The following POU6F2 variants were observed in gnomAD, a reference collection of about 807,000 sequenced individuals.
POU6F2 encodes the protein POU class 6 homeobox 2, also known as POU domain, class 6, transcription factor 2.
Under a neutral mutation model 71.3 loss-of-function variants are expected in POU6F2, and 31 were observed. The observed-to-expected ratio is 0.43, with a 90% CI of 0.33 to 0.59. The LOEUF (loss-of-function observed/expected upper bound fraction) is 0.59, where lower values mean the gene tolerates loss of function less well. Among genes scored for constraint, POU6F2 ranks in the 20% least tolerant of loss-of-function variants. POU6F2 has a pLI of 0.04. For synonymous variants in POU6F2, 347 were observed against 355.7 expected, an observed-to-expected ratio of 0.98 and a Z score of 0.27; for missense variants, 783 against 856.8, an observed-to-expected ratio of 0.91 and a Z score of 1.07.
At position 39,056,672 on chromosome 7, in the gene POU6F2, GTGTGTA is replaced by G. The variant is rs1400555452; in HGVS notation, c.106-29182_106-29177del. ...TTTCTCTCTCTCTCTCTGTGTGTGTGTGTGTATGTGTGTGTGTGTGTGTGTGTGTGT... is the reference window on the plus strand; with the variant it reads ...TTTCTCTCTCTCTCTCTGTGTGTGTGTGTGTGTGTGTGTGTGTGTGTGTGT... On this transcript the variant is annotated intron_variant, in intron 1 of 9. Coordinates refer to ENST00000518318, the MANE Select transcript of POU6F2 (RefSeq NM_001370959.1). Among the ~76,000 whole-genome samples the G allele has an allele frequency of 6.0e-4, 71 of 118,002 alleles. 2 individuals are homozygous for G. Among genetic ancestry groups the G allele is most frequent in the African/African-American group, 1.1e-3 (34 of 32,318 alleles). The allele number at this position is 118,002 out of a possible 152,430, so 77.4% of individuals were successfully genotyped here.
At position 39,126,449 on chromosome 7, in the gene POU6F2, T is replaced by A. The variant is rs142241400; in HGVS notation, c.277+40418T>A. Among the ~76,000 whole-genome samples the A allele has an allele frequency of 1.9e-3, 293 of 152,332 alleles. 1 individual carries two copies. Among genetic ancestry groups the A allele is most frequent in the African/African-American group, 6.9e-3 (285 of 41,572 alleles). On this transcript the variant is annotated intron_variant, in intron 2 of 9. Transcript: ENST00000518318. ...TAGTCTTGACTGTCATATTTGGCCATGAGCACTCCGTCATTAAGTAGGATG... is the reference window on the plus strand; with the variant it reads ...TAGTCTTGACTGTCATATTTGGCCAAGAGCACTCCGTCATTAAGTAGGATG...
At chr7:39,257,466 A>G (rs181911561) in intron 4 of POU6F2, among the ~76,000 whole-genome samples, 19 of 152,256 alleles carry the variant, frequency 1.2e-4, no homozygotes, top group Non-Finnish European at 2.1e-4. Context: ...CTGTTAGCAC[A>G]TCTGAAAATA....
At chr7:39,044,087 A>G (rs1481417851) in intron 1 of POU6F2, among the ~76,000 whole-genome samples, 1 of 151,954 alleles carries the variant, frequency 6.6e-6, no homozygotes, top group African/African-American at 2.4e-5. Flanking sequence ...GTAGGGACTT[A>G]AAGAGTGCAT....
intron 5 of POU6F2, among the ~76,000 whole-genome samples, chr7:39,383,938 C>A (rs769399547): frequency 3.9e-4 from 60 of 152,224 alleles, no homozygotes; most frequent in Non-Finnish European, 6.9e-4. Flanking sequence ...TTCTTTAATT[C>A]TGCAAGGGCA....
chr7:39,431,864 G>T (rs1052429771), intron 6 of POU6F2, among the ~76,000 whole-genome samples: 2 of 152,154 alleles, frequency 1.3e-5, no homozygotes, highest in African/African-American at 4.8e-5. Flanking sequence ...ACTGTGTCCT[G>T]GTGGCCCCCA....
At chr7:39,201,950 A>G (rs1403724745) in intron 2 of POU6F2, among the ~76,000 whole-genome samples, 1 of 152,168 alleles carries the variant, frequency 6.6e-6, no homozygotes, top group Non-Finnish European at 1.5e-5. Flanking sequence ...GGGGATGCAC[A>G]CTAAGAAGAA....
At chr7:39,051,158 AT>A (rs35255188) in intron 1 of POU6F2, among the ~76,000 whole-genome samples, 74,653 of 151,690 alleles carry the variant, frequency 0.49, 18,950 homozygotes, top group East Asian at 0.88. Flanking sequence ...AGAATTAAAT[AT>A]TTTTATTATT....
At chr7:39,423,275 C>A (rs1158781483) in intron 6 of POU6F2, among the ~76,000 whole-genome samples, 2 of 152,092 alleles carry the variant, frequency 1.3e-5, no homozygotes, top group Non-Finnish European at 2.9e-5. Flanking sequence ...CTACAGGGAG[C>A]CTAGGTTTTC....
intron 1 of POU6F2, among the ~76,000 whole-genome samples, chr7:39,020,733 C>T (rs1472872254): frequency 6.6e-6 from 1 of 151,736 alleles, no homozygotes; most frequent in Non-Finnish European, 1.5e-5. Flanking sequence ...GCCAATTTCT[C>T]ATCGTATTTC....
chr7:39,221,542 C>A (rs1238437314), intron 4 of POU6F2, among the ~76,000 whole-genome samples: 2 of 151,878 alleles, frequency 1.3e-5, no homozygotes, highest in Non-Finnish European at 2.9e-5. Context: ...AGGTGTGTGC[C>A]ACCACACCTA....
intron 2 of POU6F2, among the ~76,000 whole-genome samples, chr7:39,151,739 G>A (rs1584570183): frequency 6.6e-6 from 1 of 152,254 alleles, no homozygotes; most frequent in East Asian, 1.9e-4. Flanking sequence ...GGGCAATGAT[G>A]CCCCTTTGCC....
intron 1 of POU6F2, among the ~76,000 whole-genome samples, chr7:39,068,538 A>G (rs934581982): frequency 2.0e-5 from 3 of 150,460 alleles, no homozygotes; most frequent in African/African-American, 7.4e-5. Flanking sequence ...TAAGTTCCAT[A>G]ATCCTAAACT....
At chr7:39,456,661 C>T (rs752937554) in intron 8 of POU6F2, among the ~76,000 whole-genome samples, 13 of 152,096 alleles carry the variant, frequency 8.5e-5, no homozygotes, top group Middle Eastern at 3.2e-3. Context: ...TGGAGCAAAA[C>T]GGTAACAATA....
intron 4 of POU6F2, among the ~76,000 whole-genome samples, chr7:39,209,503 C>A (rs2128746344): frequency 6.6e-6 from 1 of 152,248 alleles, no homozygotes; most frequent in East Asian, 1.9e-4. Flanking sequence ...TAGAATAAAT[C>A]ACCTCCCAGT....
chr7:39,014,865 T>A (rs1454875987), intron 1 of POU6F2, among the ~76,000 whole-genome samples: 1 of 152,168 alleles, frequency 6.6e-6, no homozygotes, highest in African/African-American at 2.4e-5. Flanking sequence ...CGCCTCCTAC[T>A]TCTTAGTTTC....
intron 5 of POU6F2, among the ~76,000 whole-genome samples, chr7:39,349,813 G>A (rs1447450377): frequency 2.0e-5 from 3 of 152,138 alleles, no homozygotes; most frequent in African/African-American, 4.8e-5. Context: ...TGGGCATTCT[G>A]GCTGAAAACA....
chr7:39,332,349 C>T (rs1481683105), intron 4 of POU6F2, among the ~76,000 whole-genome samples: 1 of 152,174 alleles, frequency 6.6e-6, no homozygotes, highest in Non-Finnish European at 1.5e-5. Context: ...CAGTGGGGCT[C>T]CCTTGTGTTG....
chr7:39,091,784 G>A (rs921653970), intron 2 of POU6F2, among the ~76,000 whole-genome samples: 5 of 152,172 alleles, frequency 3.3e-5, no homozygotes, highest in African/African-American at 1.2e-4. Flanking sequence ...CTCAAGAATT[G>A]ACCAAATACG....
chr7:39,122,659 G>T (rs1584553636), intron 2 of POU6F2, among the ~76,000 whole-genome samples: 1 of 150,268 alleles, frequency 6.7e-6, no homozygotes, highest in East Asian at 1.9e-4. Context: ...GCTTATTGGG[G>T]TCCAATTTAG....
Sources: allele counts gnomAD v4.1 joint callset (sites outside exome capture counted in the v4.1 genomes callset), GRCh38; gene constraint gnomAD v4.1.1; transcripts MANE v1.5; gene names NCBI Gene and HGNC (gene_info 2026-07-23, HGNC 2026-07-21).